The following CAPS2 variants were observed in gnomAD, a reference collection of about 807,000 sequenced individuals.
The protein encoded by CAPS2 is calcyphosine 2.
CAPS2 carries 98 observed loss-of-function variants against 86.5 expected under a neutral mutation model. The ratio of observed to expected loss-of-function variants is 1.13; its 90% confidence interval spans 0.96 to 1.34. CAPS2 has a LOEUF of 1.34. Ranked by LOEUF, CAPS2 falls within the 40% of genes most tolerant of loss-of-function variation. The pLI, the probability that CAPS2 is intolerant of heterozygous loss-of-function variation, is 0.00. For synonymous variants in CAPS2, 210 were observed against 225.1 expected (o/e 0.93, Z 0.60); for missense variants, 729 against 686.8 (o/e 1.06, Z -0.69).
intron 1 of CAPS2, among the ~76,000 whole-genome samples, chr12:75,341,254 A>C (rs1460149525): frequency 2.0e-5 from 3 of 152,138 alleles, no homozygotes; most frequent in Admixed American, 1.3e-4. Flanking sequence ...TAAACATCCA[A>C]ATTTCCATCA....
At chr12:75,333,579 A>T (rs1289781670), upstream of CAPS2, among the ~76,000 whole-genome samples, 2 of 152,178 alleles carry the variant, frequency 1.3e-5, no homozygotes, top group African/African-American at 2.4e-5. Context: ...GACTAGAAAT[A>T]TATTATCTAT....
intron 16 of CAPS2, among the ~76,000 whole-genome samples, chr12:75,281,724 T>C (rs542679484): frequency 6.6e-6 from 1 of 152,158 alleles, no homozygotes; most frequent in South Asian, 2.1e-4. Context: ...ATAAAAAGCA[T>C]GCACTTATAA....
chr12:75,352,420 T>C (rs2042877825), intron 1 of CAPS2, among the ~76,000 whole-genome samples: 1 of 152,196 alleles, frequency 6.6e-6, no homozygotes. Context: ...CATTACATAA[T>C]GGTAAAGTAA....
At chr12:75,337,120 T>G (rs1036144793) in intron 1 of CAPS2, among the ~76,000 whole-genome samples, 1 of 151,838 alleles carries the variant, frequency 6.6e-6, no homozygotes, top group Non-Finnish European at 1.5e-5. Context: ...TTTGGAAGCA[T>G]ACGTATAGAT....
At chr12:75,365,347 GA>G (rs1305448485) in intron 1 of CAPS2, 1 of 152,102 alleles carries the variant, frequency 6.6e-6, no homozygotes, top group Non-Finnish European at 1.5e-5. Context: ...ACAGAAAAAG[GA>G]AAGTATTCAT....
chr12:75,305,581 C>T, intron 7 of CAPS2: 1 of 627,900 alleles, frequency 1.6e-6, no homozygotes, highest in African/African-American at 1.8e-5. Flanking sequence ...GAGCCCTCCT[C>T]CAGACCCGAC....
At chr12:75,325,268 T>C (rs2040660585) in exon 2 of CAPS2, 5 of 1,549,232 alleles carry the variant, frequency 3.2e-6, no homozygotes, top group Admixed American at 2.0e-5. Flanking sequence ...GGTTTGTCCA[T>C]GACTCAGAAG....
At chr12:75,316,657 T>TTAA (rs1451887991) in intron 5 of CAPS2, among the ~76,000 whole-genome samples, 2 of 152,036 alleles carry the variant, frequency 1.3e-5, no homozygotes, top group Non-Finnish European at 2.9e-5. Context: ...AAAATGCGAA[T>TTAA]TAATAATAGG....
rs182676792 is a variant in CAPS2, at chr12:75,318,764, T to G, written c.469-2330A>C. Among the ~76,000 whole-genome samples, 540 of 151,666 alleles carry G rather than the reference T, an allele frequency of 3.6e-3. 11 individuals carry two copies. The highest frequency in any genetic ancestry group is 0.033 in the Admixed American group (497 of 15,192). On this transcript the variant is annotated intron_variant, in intron 5 of 16. Transcript: ENST00000393284. ...TTGACTGATTAATCATTCCATTGAT[T>G]GATTTTTTTTTTCTCCTTGCCATTT...
intron 11 of CAPS2, among the ~76,000 whole-genome samples, chr12:75,296,194 AT>A (rs1460827892): frequency 2.6e-5 from 3 of 114,216 alleles, no homozygotes; most frequent in Admixed American, 9.2e-5. Flanking sequence ...AGAATATGTG[AT>A]CTGTGTAACA....
rs1215502867 is a variant in CAPS2, at chr12:75,299,861, T to G, written c.830A>C (p.Gln277Pro). ...CCGTGATACGATCCTACCATCAAAC[T>G]GTAATTTATGAGAAAGCACATTTTC... The change falls in exon 9 of 17, where the codon CAG becomes CCG. Residue 277 changes from glutamine (Q) to proline (P), a missense_variant. Transcript: ENST00000393284. The G allele has an allele frequency of 4.6e-6, 7 of 1,530,694 alleles. No homozygotes were observed. The South Asian group carries it at 7.4e-5, about 16-fold the overall frequency. 94.8% of individuals were successfully genotyped at this position (1,530,694 alleles called of 1,614,324 possible).
chr12:75,358,381 C>T (rs909438924), intron 1 of CAPS2, among the ~76,000 whole-genome samples: 3 of 151,788 alleles, frequency 2.0e-5, no homozygotes, highest in Non-Finnish European at 4.4e-5. Flanking sequence ...TACACTTTAT[C>T]TAAGAGGGGT....
rs73189097 is a variant in CAPS2, at chr12:75,347,632, C to T, written c.-394-24410G>A. On this transcript the variant is annotated intron_variant, in intron 1 of 5. Transcript: ENST00000551829. ...TCCTTTTCTTTATAGTTAGTTTGGG[C>T]CAATTCATTTTATGTCGGTTGTGCA... 2.9e-5 allele frequency: 47 copies of T among 1,605,756 alleles called. No homozygotes were observed. The highest frequency in any genetic ancestry group is 4.0e-5 in the African/African-American group (3 of 74,766).
Position 75,305,657 on chromosome 12 carries a change from C to A in CAPS2, c.660-781G>T, listed in dbSNP as rs1445966390. 14 of 641,944 alleles carry A rather than the reference C, an allele frequency of 2.2e-5. 1 individual carries two copies. The highest frequency in any genetic ancestry group is 1.8e-4 in the African/African-American group (10 of 55,640). The allele number at this position is 641,944 out of a possible 1,614,324, so 39.8% of individuals were successfully genotyped here. On this transcript the variant is annotated intron_variant, in intron 7 of 16. Coordinates refer to ENST00000393284, the Ensembl canonical transcript of CAPS2. ...GGCCGCGGAGAAGGGCGGCGCCCAC[C>A]AGGCCCCTAGCACTGCCCAGTCTGG...
At chr12:75,372,023 G>A (rs1265966316) in intron 1 of CAPS2, among the ~76,000 whole-genome samples, 1 of 152,026 alleles carries the variant, frequency 6.6e-6, no homozygotes, top group Non-Finnish European at 1.5e-5. Flanking sequence ...TTGTTTGTTT[G>A]TTGTTTCTTT....
At chr12:75,316,502 G>T in intron 5 of CAPS2, 68 bp from the exon 6 acceptor site, 1 of 1,348,692 alleles carries the variant, frequency 7.4e-7, no homozygotes. Flanking sequence ...ACAAAATATG[G>T]GAATAGATAA....
chr12:75,289,792 G>T lies in CAPS2; in HGVS notation c.1241-17C>A. ...TTAGCACATCTGTTCAACAAGAAGA[G>T]AGATGAAAACAAATTGTTCCTATGC... is the stretch of plus-strand genomic sequence containing the variant. On this transcript the variant is annotated splice_polypyrimidine_tract_variant and intron_variant, in intron 13 of 16. Coordinates refer to ENST00000393284, the Ensembl canonical transcript of CAPS2. The T allele has an allele frequency of 6.3e-7, 1 of 1,592,254 alleles. No homozygotes were observed. The highest frequency in any genetic ancestry group is 1.3e-5 in the African/African-American group (1 of 74,150).
chr12:75,296,570 G>A (rs2138451934), intron 11 of CAPS2, among the ~76,000 whole-genome samples: 1 of 152,314 alleles, frequency 6.6e-6, no homozygotes, highest in South Asian at 2.1e-4. Flanking sequence ...GGGATTACAG[G>A]CGTGAGCCAC....
intron 3 of CAPS2, 28 bp downstream of exon 4, chr12:75,323,149 A>G (rs1349269696): frequency 4.0e-6 from 6 of 1,504,122 alleles, no homozygotes; most frequent in Non-Finnish European, 3.6e-6. Flanking sequence ...TTTAATGTTT[A>G]TTATATTAAA....
Sources: gnomAD v4.1 joint callset for allele counts (sites outside exome capture counted in the v4.1 genomes callset) on GRCh38, gnomAD v4.1.1 for gene constraint, MANE v1.5 for transcripts, NCBI Gene and HGNC (gene_info 2026-07-23, HGNC 2026-07-21) for gene names.